The following FGFR1 variants were observed in gnomAD, a reference collection of about 807,000 sequenced individuals.
FGFR1 encodes FGFR1/PLAG1 fusion.
In FGFR1, 18 loss-of-function variants were observed where a neutral mutation model predicts 93.7. The ratio of observed to expected loss-of-function variants is 0.19; its 90% CI spans 0.13 to 0.28. FGFR1 has a LOEUF of 0.28. Ranked by LOEUF, FGFR1 falls within the 10% of genes least tolerant of loss-of-function variation. FGFR1 has a pLI of 1.00. For synonymous variants in FGFR1, 448 were observed against 429.3 expected (o/e 1.04, Z -0.54); for missense variants, 731 against 1,080.4 (o/e 0.68, Z 4.53).
chr8:38,447,112 C>T (rs936361640), intron 2 of FGFR1, among the ~76,000 whole-genome samples: 44 of 132,028 alleles, frequency 3.3e-4, no homozygotes, highest in Middle Eastern at 3.8e-3. Context: ...CACACACACA[C>T]ACACACACAC....
intron 2 of FGFR1, chr8:38,434,651 G>A (rs186256824): frequency 1.0e-5 from 2 of 192,284 alleles, no homozygotes; most frequent in East Asian, 2.5e-4. Context: ...ACCTTCTCCA[G>A]GGATTTTACG....
At chr8:38,446,940 T>C (rs566657613) in intron 2 of FGFR1, among the ~76,000 whole-genome samples, 5 of 152,276 alleles carry the variant, frequency 3.3e-5, no homozygotes, top group African/African-American at 1.2e-4. Flanking sequence ...ACCTTCTCCA[T>C]GTAGGTCTTT....
chr8:38,465,517 C>A, intron 1 of FGFR1: 1 of 230,248 alleles, frequency 4.3e-6, no homozygotes. Context: ...CTCCCGGTCC[C>A]CAAACACCCT....
chr8:38,437,710 A>G (rs973061461), intron 2 of FGFR1, among the ~76,000 whole-genome samples: 4 of 152,216 alleles, frequency 2.6e-5, no homozygotes, highest in African/African-American at 9.6e-5. Flanking sequence ...AGAAAACAGT[A>G]ACAAATAATG....
chr8:38,457,364 G>A lies in FGFR1; in HGVS notation c.83C>T (p.Pro28Leu), dbSNP rs145434725. The A allele has an allele frequency of 4.9e-5, 79 of 1,612,958 alleles. No homozygotes were observed. Among genetic ancestry groups the A allele is most frequent in the Non-Finnish European group, 6.4e-5 (75 of 1,180,028 alleles). ...LCTARPSPTLPEQAQPWGAPV... is the reference protein window; with the variant it reads ...LCTARPSPTLLEQAQPWGAPV... The stretch of plus-strand genomic sequence containing the variant: ...CCCAGCCAGCACCTTACCTTGTTCA[G>A]GCAAGGTCGGGGACGGCCTAGCGGT... Residue 28 changes from proline to leucine, a missense_variant, in exon 2 of 18, where the codon CCT (proline) becomes CTT (leucine). This residue lies in a region of FGFR1 where 212 missense variants were observed against 205.8 expected (regional missense o/e 1.03). Coordinates refer to ENST00000447712, the MANE Select transcript of FGFR1 (RefSeq NM_023110.3).
chr8:38,457,676 C>T (rs1833235394), intron 1 of FGFR1, 142 bp from the exon 2 acceptor site: 1 of 764,510 alleles, frequency 1.3e-6, no homozygotes, highest in Admixed American at 2.6e-5. Flanking sequence ...TGTGAAGCTA[C>T]CCCAACAATG....
chr8:38,457,669 G>T, intron 1 of FGFR1, 135 bp from the exon 2 acceptor site: 1 of 797,450 alleles, frequency 1.3e-6, no homozygotes, highest in Non-Finnish European at 2.0e-6. Flanking sequence ...AGAAAATTGT[G>T]AAGCTACCCC....
intron 7 of FGFR1, chr8:38,423,245 G>GT: frequency 1.4e-6 from 1 of 725,360 alleles, no homozygotes; most frequent in Non-Finnish European, 2.6e-6. Flanking sequence ...TTGCTCCCGT[G>GT]TAACTTTCAG....
chr8:38,414,962 C>T (rs1040410463), intron 13 of FGFR1, 61 bp from the exon 14 acceptor site: 16 of 1,442,526 alleles, frequency 1.1e-5, no homozygotes, highest in African/African-American at 5.6e-5. Flanking sequence ...AGGCTCTGGG[C>T]GGCCGCCACC....
chr8:38,463,364 G>A (rs918756138), intron 1 of FGFR1: 3 of 190,682 alleles, frequency 1.6e-5, no homozygotes, highest in African/African-American at 7.0e-5. Flanking sequence ...GACTTTCTTG[G>A]GCCTTCTAGC....
Position 38,422,056 on chromosome 8 carries a change from A to C in FGFR1, c.937-115T>G. 6 of 1,241,384 alleles carry C rather than the reference A, an allele frequency of 4.8e-6. No individual in the cohort carries two copies. The South Asian group carries it at 6.4e-5, about 13-fold the overall frequency. The allele number at this position is 1,241,384 out of a possible 1,614,324, so 76.9% of individuals were successfully genotyped here. ...GGACTAGAGGAAGAAATGCTCCCTGACATCTTCTTTGCAACAAGGAACAAA... is the reference window on the plus strand; with the variant it reads ...GGACTAGAGGAAGAAATGCTCCCTGCCATCTTCTTTGCAACAAGGAACAAA... On this transcript the variant is annotated intron_variant, in intron 7 of 17. Transcript: ENST00000447712.
chr8:38,428,974 C>T (rs755454449), intron 3 of FGFR1: 11 of 304,248 alleles, frequency 3.6e-5, no homozygotes, highest in Non-Finnish European at 7.0e-5. Context: ...CACCTCTCCC[C>T]AATAAGTATT....
chr8:38,420,257 C>T (rs1477742405), intron 8 of FGFR1: 2 of 171,688 alleles, frequency 1.2e-5, no homozygotes, highest in African/African-American at 4.7e-5. Flanking sequence ...GCCACAGTAC[C>T]TGGTGATGGT....
At chr8:38,432,918 C>CG (rs1563530037) in intron 2 of FGFR1, among the ~76,000 whole-genome samples, 1 of 140,812 alleles carries the variant, frequency 7.1e-6, no homozygotes, top group Non-Finnish European at 1.6e-5. Flanking sequence ...GCCCCCCCCC[C>CG]TCCCCAGTTG....
At chr8:38,461,979 T>A (rs1448351609) in intron 1 of FGFR1, among the ~76,000 whole-genome samples, 1 of 152,178 alleles carries the variant, frequency 6.6e-6, no homozygotes, top group Non-Finnish European at 1.5e-5. Context: ...CTCTCCATCT[T>A]CATGTCTTAT....
At position 38,418,010 on chromosome 8, in the gene FGFR1, A is replaced by C; in HGVS notation, c.1431-19T>G. 6.2e-7 allele frequency: 1 copy of C among 1,614,094 alleles called. No homozygotes were observed. The highest frequency in any genetic ancestry group is 8.5e-7 in the Non-Finnish European group (1 of 1,179,968). On this transcript the variant is annotated intron_variant, in intron 10 of 17. Transcript: ENST00000447712. ...GACCAGTCTTTCGGGGGAAACAGAG[A>C]GTGGCATAAGTTGGGGCTGGTGAAG...
At chr8:38,421,746 C>A (rs372809704) in intron 8 of FGFR1, 51 bp downstream of exon 8, 4 of 1,591,328 alleles carry the variant, frequency 2.5e-6, no homozygotes, top group Non-Finnish European at 3.5e-6. Flanking sequence ...CATGCTCCCC[C>A]CGTGCCCGTG....
chr8:38,412,923 A>T lies in FGFR1; in HGVS notation c.*705T>A. The T allele has an allele frequency of 4.3e-6, 1 of 233,646 alleles. No homozygotes were observed. Among genetic ancestry groups the T allele is most frequent in the Non-Finnish European group, 8.5e-6 (1 of 117,998 alleles). 14.5% of individuals were successfully genotyped at this position (233,646 alleles called of 1,614,324 possible). A position where few individuals can be genotyped will look rare whatever the true frequency, so the allele number is the denominator to read the frequency against. On this transcript the variant is annotated 3_prime_UTR_variant, in exon 18 of 18. Transcript: ENST00000447712. ...CCAGGAGCATCTTACCCGATGGGTA[A>T]ATCTCTGGTAACGACCCTTTTAAAA...
chr8:38,430,138 G>A lies in FGFR1; in HGVS notation c.92-190C>T, dbSNP rs1314226149. The A allele has an allele frequency of 4.9e-5, 30 of 609,974 alleles. No individual in the cohort carries two copies. The East Asian group carries it at 8.1e-4, about 16-fold the overall frequency. The allele number at this position is 609,974 out of a possible 1,614,324, so 37.8% of individuals were successfully genotyped here. ...CATGGGTCAGTGGGGAAAACAGCTGGCTGCCTGGGAACCCCCATCTCTTTT... is the reference window on the plus strand; with the variant it reads ...CATGGGTCAGTGGGGAAAACAGCTGACTGCCTGGGAACCCCCATCTCTTTT... On this transcript the variant is annotated intron_variant, in intron 2 of 17. Coordinates refer to ENST00000447712, the MANE Select transcript of FGFR1 (RefSeq NM_023110.3).
Sources: gnomAD v4.1 joint callset for allele counts (sites outside exome capture counted in the v4.1 genomes callset) on GRCh38, gnomAD v4.1.1 for gene constraint, gnomAD v4.1.1 regional missense constraint, MANE v1.5 for transcripts, NCBI Gene and HGNC (gene_info 2026-07-23, HGNC 2026-07-21) for gene names.